SLC41A3: variants seen among roughly 807,000 people sequenced by gnomAD.
SLC41A3 encodes solute carrier family 41 member 3.
SLC41A3 carries 44 observed loss-of-function variants against 45.4 expected under a neutral mutation model. That is an observed-to-expected ratio of 0.97 (90% CI 0.76 to 1.25). The LOEUF (loss-of-function observed/expected upper bound fraction) is 1.25. Among genes scored for constraint, SLC41A3 ranks in the 50% most tolerant of loss-of-function variants. SLC41A3 has a pLI of 0.00. For missense variants in SLC41A3, 550 were observed against 600.6 expected, an observed-to-expected ratio of 0.92 and a Z score of 0.88; for synonymous variants, 256 against 252.4, an observed-to-expected ratio of 1.01 and a Z score of -0.13.
At chr3:126,097,399 C>A (rs529930851) in intron 1 of SLC41A3, among the ~76,000 whole-genome samples, 1 of 152,168 alleles carries the variant, frequency 6.6e-6, no homozygotes, top group South Asian at 2.1e-4. Context: ...CTCTCCCTGG[C>A]GCTGTGAAAT....
chr3:126,091,864 G>T (rs1379288478), intron 1 of SLC41A3, among the ~76,000 whole-genome samples: 1 of 152,164 alleles, frequency 6.6e-6, no homozygotes, highest in Non-Finnish European at 1.5e-5. Flanking sequence ...CAAAGAGTCT[G>T]CTCTGTCAAT....
intron 2 of SLC41A3, among the ~76,000 whole-genome samples, chr3:126,054,234 A>G (rs937849124): frequency 6.6e-6 from 1 of 152,188 alleles, no homozygotes; most frequent in East Asian, 1.9e-4. Context: ...TGTCAAGAAC[A>G]GTCAACGCAA....
intron 2 of SLC41A3, among the ~76,000 whole-genome samples, chr3:126,064,936 G>T (rs1944273946): frequency 6.6e-6 from 1 of 152,254 alleles, no homozygotes; most frequent in Non-Finnish European, 1.5e-5. Context: ...AAGGGAGCAG[G>T]TGCTTCCTGA....
intron 1 of SLC41A3, among the ~76,000 whole-genome samples, chr3:126,095,622 A>G (rs1014734773): frequency 1.3e-5 from 2 of 152,224 alleles, no homozygotes; most frequent in East Asian, 3.8e-4. Flanking sequence ...AGTATTTACC[A>G]TAATAAATCT....
In SLC41A3 at chr3:126,012,688, C is replaced by T; in HGVS notation, c.1032G>A (p.Trp344Ter). The part of the protein sequence containing the change: ...TSRISTYLHM[W>*]SAPGVLPLQM... ...GGAGGGGCAGGACGCCAGGTGCACT[C>T]CACATGTGCAGGTAGGTTGAGATTC... Residue 344 changes from tryptophan to a stop codon, truncating the protein, a stop_gained, in exon 9 of 11, where the codon TGG becomes TGA. Coordinates refer to ENST00000360370, the MANE Select transcript of SLC41A3 (RefSeq NM_017836.4). LOFTEE classifies it high-confidence loss of function. 1 of 1,614,186 alleles carries T rather than the reference C, an allele frequency of 6.2e-7. No individual in the cohort carries two copies. The highest frequency in any genetic ancestry group is 8.5e-7 in the Non-Finnish European group (1 of 1,180,030).
At chr3:126,071,302 TACAG>T (rs1298023702) in intron 1 of SLC41A3, among the ~76,000 whole-genome samples, 1 of 152,128 alleles carries the variant, frequency 6.6e-6, no homozygotes, top group Non-Finnish European at 1.5e-5. Flanking sequence ...GAATTCTTAC[TACAG>T]ACAAAGAAGG....
At chr3:126,020,065 G>T (rs1940696587) in intron 6 of SLC41A3, among the ~76,000 whole-genome samples, 1 of 152,048 alleles carries the variant, frequency 6.6e-6, no homozygotes, top group African/African-American at 2.4e-5. Context: ...AGCTTCCAAG[G>T]CCCTTGCTCT....
chr3:126,061,621 C>G (rs28602297), intron 2 of SLC41A3, among the ~76,000 whole-genome samples: 52,831 of 152,076 alleles, frequency 0.35, 9,487 homozygotes, highest in East Asian at 0.52. Flanking sequence ...CCTCACCTGT[C>G]CAGGGCTGGG....
chr3:126,029,292 T>C (rs1008427725), intron 4 of SLC41A3, among the ~76,000 whole-genome samples: 1 of 152,190 alleles, frequency 6.6e-6, no homozygotes, highest in South Asian at 2.1e-4. Flanking sequence ...TGGTTTCTCA[T>C]GGTGACCCCT....
At chr3:126,089,654 T>A (rs1415322766) in intron 1 of SLC41A3, among the ~76,000 whole-genome samples, 2 of 152,210 alleles carry the variant, frequency 1.3e-5, no homozygotes, top group Non-Finnish European at 2.9e-5. Context: ...CTGGGGCTGA[T>A]GGCAAAAGAC....
At position 126,052,798 on chromosome 3, in the gene SLC41A3, C is replaced by T. The variant is rs575979417; in HGVS notation, c.274-1748G>A. ...TTCTTCCTCCTGACCATGTTAATAC[C>T]GATCTTCCTTCCTGCTTTCTTTTCA... On this transcript the variant is annotated intron_variant, in intron 2 of 10. Coordinates refer to ENST00000360370, the MANE Select transcript of SLC41A3 (RefSeq NM_017836.4). Among the ~76,000 whole-genome samples, 6 of 152,266 alleles carry T rather than the reference C, an allele frequency of 3.9e-5. No individual in the cohort carries two copies. The South Asian group carries it at 6.2e-4, about 16-fold the overall frequency.
chr3:126,073,927 A>T (rs900272057), intron 1 of SLC41A3, among the ~76,000 whole-genome samples: 1 of 152,204 alleles, frequency 6.6e-6, no homozygotes, highest in Admixed American at 6.5e-5. Flanking sequence ...GAATACAGAC[A>T]CAAAATCCTC....
In SLC41A3 at chr3:126,006,412, T is replaced by TA. The variant is rs757239340; in HGVS notation, c.*603dup. ...ACTTCTCTGATTATTGAAATCTAAA[T>TA]AGAGGTTTTTGCTAACAAACAAAAA... is the stretch of plus-strand genomic sequence containing the variant. On this transcript the variant is annotated 3_prime_UTR_variant, in exon 11 of 11. Transcript: ENST00000360370. 112 of 1,610,108 alleles carry TA rather than the reference T, an allele frequency of 7.0e-5. No homozygotes were observed. In the African/African-American group the frequency reaches 1.4e-3, roughly 20 times the overall value.
intron 3 of SLC41A3, among the ~76,000 whole-genome samples, chr3:126,038,645 A>C (rs367715068): frequency 7.2e-5 from 11 of 152,222 alleles, no homozygotes; most frequent in African/African-American, 1.2e-4. Context: ...TAAATCACTC[A>C]TAAGTGGAAG....
chr3:126,075,550 T>C (rs1158821625), intron 1 of SLC41A3, among the ~76,000 whole-genome samples: 1 of 148,704 alleles, frequency 6.7e-6, no homozygotes, highest in Non-Finnish European at 1.5e-5. Context: ...CAGAAAATCC[T>C]GAAAAAAAAG....
chr3:126,069,221 T>C (rs2108025522), intron 1 of SLC41A3, among the ~76,000 whole-genome samples: 1 of 152,182 alleles, frequency 6.6e-6, no homozygotes, highest in Middle Eastern at 3.4e-3. Flanking sequence ...CCCAAGTTTG[T>C]ACCTCCTGGA....
chr3:126,014,830 A>C (rs1940110883), intron 8 of SLC41A3, among the ~76,000 whole-genome samples: 1 of 152,180 alleles, frequency 6.6e-6, no homozygotes, highest in Non-Finnish European at 1.5e-5. Flanking sequence ...CTTATCAGAC[A>C]CCAGACACCA....
chr3:126,026,580 G>T lies in SLC41A3; in HGVS notation c.454-101C>A. 7.0e-7 allele frequency: 1 copy of T among 1,429,748 alleles called. No homozygotes were observed. Among genetic ancestry groups the T allele is most frequent in the Non-Finnish European group, 9.5e-7 (1 of 1,055,220 alleles). The allele number at this position is 1,429,748 out of a possible 1,614,324, so 88.6% of individuals were successfully genotyped here. ...CACCGCAAGGGGCCGGGTGCCACAT[G>T]CTACTGCCTCCTTTCCCTTACCCTA... On this transcript the variant is annotated intron_variant, in intron 4 of 10. Coordinates refer to ENST00000360370, the MANE Select transcript of SLC41A3 (RefSeq NM_017836.4). This position sits in a 1 kb window ranked among gnomAD's most constrained non-coding sequence, Gnocchi z 4.2.
intron 3 of SLC41A3, among the ~76,000 whole-genome samples, chr3:126,041,880 C>T (rs1942617828): frequency 2.6e-5 from 4 of 152,144 alleles, no homozygotes; most frequent in Admixed American, 2.6e-4. Flanking sequence ...TCTGCAGCAA[C>T]CAAGAGAAAA....
Sources: allele counts gnomAD v4.1 joint callset (sites outside exome capture counted in the v4.1 genomes callset), GRCh38; gene constraint gnomAD v4.1.1; non-coding constraint Gnocchi (gnomAD v3.1); transcripts MANE v1.5; gene names NCBI Gene and HGNC (gene_info 2026-07-23, HGNC 2026-07-21).